Variants in STAG1 observed in about 807,000 individuals in gnomAD.
The protein encoded by STAG1 is STAG1 cohesin complex component, also known as cohesin subunit SA-1.
In STAG1, 26 loss-of-function variants were observed where a neutral mutation model predicts 170.9. That is an observed-to-expected ratio of 0.15 (90% CI 0.11 to 0.21). The LOEUF is 0.21. Among genes scored for constraint, STAG1 ranks in the 10% least tolerant of loss-of-function variants. The probability of loss-of-function intolerance (pLI) is 1.00; values close to 1 mark genes in which losing one functional copy is unlikely to be tolerated. For synonymous variants in STAG1, 514 were observed against 497.7 expected (o/e 1.03, Z -0.44); for missense variants, 964 against 1,509.5 (o/e 0.64, Z 5.99).
Position 136,337,500 on chromosome 3 carries a change from A to C in STAG1, c.*754T>G, listed in dbSNP as rs1343991901. On this transcript the variant is annotated 3_prime_UTR_variant, in exon 34 of 34. Transcript: ENST00000383202. ...CACTGTATTTGAATCTCCCTAGTCT[A>C]TATAAAATGAACGGTGTACAGCATC... The C allele has an allele frequency of 1.3e-5, 2 of 152,678 alleles. No individual in the cohort carries two copies. The highest frequency in any genetic ancestry group is 4.8e-5 in the African/African-American group (2 of 41,472). 9.5% of individuals were successfully genotyped at this position (152,678 alleles called of 1,614,324 possible).
intron 14 of STAG1, among the ~76,000 whole-genome samples, chr3:136,448,509 C>T (rs1049386088): frequency 2.6e-5 from 4 of 152,116 alleles, no homozygotes; most frequent in African/African-American, 9.7e-5. Context: ...ACCATGAGAA[C>T]CATGTAAGAA....
chr3:136,541,107 T>A (rs187132169), intron 6 of STAG1, among the ~76,000 whole-genome samples: 304 of 152,144 alleles, frequency 2.0e-3, no homozygotes, highest in African/African-American at 7.0e-3. Flanking sequence ...AATACCCGGG[T>A]CACACACTGT....
chr3:136,339,466 T>C (rs1311672178), intron 32 of STAG1, among the ~76,000 whole-genome samples: 1 of 152,194 alleles, frequency 6.6e-6, no homozygotes, highest in African/African-American at 2.4e-5. Flanking sequence ...GAGGTTGCAG[T>C]GAGCCGAGAT....
chr3:136,490,277 G>A (rs1168379291), intron 9 of STAG1, among the ~76,000 whole-genome samples: 1 of 152,044 alleles, frequency 6.6e-6, no homozygotes, highest in Non-Finnish European at 1.5e-5. Context: ...CTGACCTCAA[G>A]TGATCCTCCC....
chr3:136,501,262 C>T (rs971587869), intron 8 of STAG1, among the ~76,000 whole-genome samples: 8 of 152,142 alleles, frequency 5.3e-5, no homozygotes, highest in African/African-American at 1.9e-4. Flanking sequence ...GTATTTACTT[C>T]TATAATATTT....
chr3:136,525,575 T>A (rs561438343), intron 6 of STAG1, among the ~76,000 whole-genome samples: 103 of 152,060 alleles, frequency 6.8e-4, no homozygotes, highest in Non-Finnish European at 1.2e-3. Context: ...TTTTGAAGGG[T>A]TTTTTCTGTC....
intron 22 of STAG1, among the ~76,000 whole-genome samples, chr3:136,392,695 G>A (rs543553816): frequency 6.7e-6 from 1 of 149,960 alleles, no homozygotes; most frequent in South Asian, 2.1e-4. Context: ...GAACCTGGGA[G>A]ATGGAGGTTG....
chr3:136,673,115 AAAC>A (rs1387904093), intron 1 of STAG1, among the ~76,000 whole-genome samples: 25 of 152,252 alleles, frequency 1.6e-4, no homozygotes, highest in Non-Finnish European at 3.1e-4. Flanking sequence ...TTTAATATCA[AAAC>A]AACATAGAGA....
chr3:136,504,373 A>T (rs958321961), intron 7 of STAG1, among the ~76,000 whole-genome samples: 2 of 152,228 alleles, frequency 1.3e-5, no homozygotes, highest in African/African-American at 4.8e-5. Context: ...TTTGCATTAG[A>T]AATGAATTAA....
chr3:136,697,666 T>G (rs1942939051), intron 1 of STAG1, among the ~76,000 whole-genome samples: 1 of 152,214 alleles, frequency 6.6e-6, no homozygotes, highest in African/African-American at 2.4e-5. Flanking sequence ...AAATACTGAC[T>G]ACCATCTTCT....
chr3:136,735,891 T>C (rs906246307), intron 1 of STAG1, among the ~76,000 whole-genome samples: 6 of 152,142 alleles, frequency 3.9e-5, no homozygotes, highest in African/African-American at 1.4e-4. Context: ...GGCTAGCTCT[T>C]TGGAAAGTGA....
chr3:136,678,106 G>GT (rs979390036), intron 1 of STAG1, among the ~76,000 whole-genome samples: 63 of 150,548 alleles, frequency 4.2e-4, no homozygotes, highest in South Asian at 1.5e-3. Flanking sequence ...AGTGATAGAA[G>GT]TATCAATTGC....
intron 24 of STAG1, among the ~76,000 whole-genome samples, chr3:136,367,828 G>T (rs1412148489): frequency 6.6e-6 from 1 of 152,066 alleles, no homozygotes; most frequent in Admixed American, 6.6e-5. Flanking sequence ...TTCAAAACAA[G>T]TGTGTTTCTT....
At chr3:136,341,878 T>C (rs1372704684) in intron 30 of STAG1, among the ~76,000 whole-genome samples, 2 of 152,192 alleles carry the variant, frequency 1.3e-5, no homozygotes, top group Non-Finnish European at 2.9e-5. Flanking sequence ...TAACAGAAAT[T>C]ATGTTGGCTT....
At chr3:136,698,670 T>C (rs1344686174) in intron 1 of STAG1, among the ~76,000 whole-genome samples, 1 of 152,180 alleles carries the variant, frequency 6.6e-6, no homozygotes, top group Non-Finnish European at 1.5e-5. Flanking sequence ...CTAAAAAGGT[T>C]ACATATCAAA....
At chr3:136,538,786 T>C (rs1489521928) in intron 6 of STAG1, among the ~76,000 whole-genome samples, 1 of 152,096 alleles carries the variant, frequency 6.6e-6, no homozygotes, top group Non-Finnish European at 1.5e-5. Context: ...AAAAGGAGCA[T>C]GGTGAAGAGA....
chr3:136,657,641 G>C (rs1941434311), intron 1 of STAG1, among the ~76,000 whole-genome samples: 1 of 152,130 alleles, frequency 6.6e-6, no homozygotes, highest in African/African-American at 2.4e-5. Flanking sequence ...GGGCAACATG[G>C]CAATACCCTG....
At chr3:136,728,961 G>C (rs1352686475) in intron 1 of STAG1, among the ~76,000 whole-genome samples, 1 of 152,176 alleles carries the variant, frequency 6.6e-6, no homozygotes, top group Non-Finnish European at 1.5e-5. Flanking sequence ...ATGGGAAAGA[G>C]AGACAGTCTC....
At chr3:136,694,677 T>C (rs1440237961) in intron 1 of STAG1, among the ~76,000 whole-genome samples, 2 of 151,190 alleles carry the variant, frequency 1.3e-5, no homozygotes, top group Admixed American at 1.3e-4. Flanking sequence ...GTTAAATTAG[T>C]CAGCAAAATG....
Sources: allele counts gnomAD v4.1 joint callset (sites outside exome capture counted in the v4.1 genomes callset), GRCh38; gene constraint gnomAD v4.1.1; transcripts MANE v1.5; gene names NCBI Gene and HGNC (gene_info 2026-07-23, HGNC 2026-07-21).